RLF: variants seen among roughly 807,000 people sequenced by gnomAD.
RLF encodes the protein zinc finger protein Rlf.
RLF carries 7 observed loss-of-function variants against 162.9 expected under a neutral mutation model. That is an observed-to-expected ratio of 0.04 (90% CI 0.02 to 0.08). The LOEUF is 0.08. Ranked by LOEUF, RLF falls within the 10% of genes least tolerant of loss-of-function variation. The pLI is 1.00. For missense variants in RLF, 1,664 were observed against 2,244.7 expected (o/e 0.74, Z 5.23); for synonymous variants, 782 against 791.5 (o/e 0.99, Z 0.20).
At chr1:40,235,454 T>G (rs550519011) in intron 7 of RLF, among the ~76,000 whole-genome samples, 42 of 152,356 alleles carry the variant, frequency 2.8e-4, no homozygotes, top group African/African-American at 1.0e-3. Context: ...AACATCATTC[T>G]ATTTTGAATC....
intron 1 of RLF, among the ~76,000 whole-genome samples, chr1:40,162,955 A>G (rs536049927): frequency 6.7e-4 from 102 of 152,288 alleles, no homozygotes; most frequent in African/African-American, 2.4e-3. Flanking sequence ...AAACATGAGT[A>G]AGACAGCACT....
chr1:40,167,528 C>G (rs1271303019), intron 1 of RLF, among the ~76,000 whole-genome samples: 1 of 152,070 alleles, frequency 6.6e-6, no homozygotes, highest in African/African-American at 2.4e-5. Context: ...TCTGTTTCTT[C>G]CATGGATCAT....
chr1:40,166,609 G>A (rs372771529), intron 1 of RLF, among the ~76,000 whole-genome samples: 6 of 152,106 alleles, frequency 3.9e-5, no homozygotes, highest in African/African-American at 1.4e-4. Context: ...CAACCCAGAT[G>A]TCCATCAATG....
chr1:40,207,890 C>T (rs1340585256), intron 5 of RLF, among the ~76,000 whole-genome samples: 1 of 152,210 alleles, frequency 6.6e-6, no homozygotes, highest in East Asian at 1.9e-4. Context: ...GGATTATAGG[C>T]GTAAGCCACC....
At chr1:40,202,737 A>G (rs1298889575) in intron 5 of RLF, 123 bp downstream of exon 5, 7 of 579,428 alleles carry the variant, frequency 1.2e-5, no homozygotes, top group African/African-American at 2.0e-5. Context: ...GGCTACCAAA[A>G]TGTATGATTT....
chr1:40,239,237 A>G lies in RLF; in HGVS notation c.4535A>G (p.Asn1512Ser), dbSNP rs1317329817. ...CATCAGACCACCAGGAGATCATTTA[A>G]TGCTAAGTCTAAAAAATGTGGCTTA... ...HEHQTTRRSFNAKSKKCGLIK... is the reference protein window; with the variant it reads ...HEHQTTRRSFSAKSKKCGLIK... The change falls in exon 8 of 8, where the codon AAT becomes AGT. Residue 1512 changes from asparagine to serine, a missense_variant. Physicochemically the swap from Asn to Ser is conservative, Grantham distance 46. Transcript: ENST00000372771. The G allele has an allele frequency of 6.2e-7, 1 of 1,614,180 alleles. No homozygotes were observed. The highest frequency in any genetic ancestry group is 8.5e-7 in the Non-Finnish European group (1 of 1,180,032).
chr1:40,214,475 G>A (rs558959633), intron 5 of RLF, among the ~76,000 whole-genome samples: 38 of 152,250 alleles, frequency 2.5e-4, no homozygotes, highest in African/African-American at 7.7e-4. Flanking sequence ...GTCACACTGC[G>A]CATGTTTGTG....
At chr1:40,175,279 T>G (rs1642306520) in intron 1 of RLF, among the ~76,000 whole-genome samples, 1 of 152,124 alleles carries the variant, frequency 6.6e-6, no homozygotes, top group Non-Finnish European at 1.5e-5. Flanking sequence ...ACATCACATT[T>G]GGATCAATCT....
Position 40,189,157 on chromosome 1 carries a change from TA to T in RLF, c.341del (p.Tyr114SerfsTer2). 1 of 1,614,012 alleles carries T rather than the reference TA, an allele frequency of 6.2e-7. No homozygotes were observed. On this transcript the variant is annotated frameshift_variant, in exon 2 of 8. Transcript: ENST00000372771. LOFTEE classifies it high-confidence loss of function. ...AIQSFASARP[Y>X]LTTECEDVLL... ...CCAAAGCTTTGCCAGTGCACGTCCATACTTAACTACTGAATGTGAAGATGTC... is the reference window on the plus strand; with the variant it reads ...CCAAAGCTTTGCCAGTGCACGTCCATCTTAACTACTGAATGTGAAGATGTC...
chr1:40,192,168 A>G (rs542499405), intron 3 of RLF, among the ~76,000 whole-genome samples: 471 of 152,296 alleles, frequency 3.1e-3, no homozygotes, highest in African/African-American at 0.011. Context: ...AATATCTCAC[A>G]TATCCGTACA....
Position 40,205,485 on chromosome 1 carries a change from CTTTTT to C in RLF, c.810+2889_810+2893del, listed in dbSNP as rs36038824. ...TTACTATCGAACATTTTCCTTCCTT[CTTTTT>C]TTTTTTTTTTTTTTTTTGGGACAGA... On this transcript the variant is annotated intron_variant, in intron 5 of 7. Coordinates refer to ENST00000372771, the MANE Select transcript of RLF (RefSeq NM_012421.4). 9.3e-5 allele frequency among the ~76,000 whole-genome samples: 10 copies of C among 107,052 alleles called. 1 individual carries two copies. Among genetic ancestry groups the C allele is most frequent in the East Asian group, 2.8e-4 (1 of 3,544 alleles). The allele number at this position is 107,052 out of a possible 152,430, so 70.2% of individuals were successfully genotyped here.
intron 1 of RLF, chr1:40,178,003 GAACAGATAAATCTT>G (rs953764814): frequency 9.8e-5 from 15 of 152,608 alleles, no homozygotes; most frequent in Non-Finnish European, 1.5e-5. Flanking sequence ...TGCAGTAAAT[GAACAGATAAATCTT>G]TGGCTCACAA....
chr1:40,182,561 A>G (rs923001950), intron 1 of RLF, among the ~76,000 whole-genome samples: 2 of 152,340 alleles, frequency 1.3e-5, no homozygotes, highest in Admixed American at 6.5e-5. Flanking sequence ...GTATGTAACA[A>G]TGTTATGTTA....
intron 1 of RLF, among the ~76,000 whole-genome samples, chr1:40,168,048 A>G (rs1225207091): frequency 6.6e-6 from 1 of 151,712 alleles, no homozygotes; most frequent in Non-Finnish European, 1.5e-5. Context: ...CTACAAAAAA[A>G]AAAAAATTAA....
Position 40,235,782 on chromosome 1 carries a change from T to C in RLF, c.1090-10T>C. On this transcript the variant is annotated splice_polypyrimidine_tract_variant and intron_variant, in intron 7 of 7. Coordinates refer to ENST00000372771, the MANE Select transcript of RLF (RefSeq NM_012421.4). ...AAAAAAATAATTTTTTTATCCTCTT[T>C]TACTTACAGGCACAAGATGCTGGTC... 6.6e-7 allele frequency: 1 copy of C among 1,519,012 alleles called. No homozygotes were observed. Among genetic ancestry groups the C allele is most frequent in the Non-Finnish European group, 8.8e-7 (1 of 1,136,620 alleles). The allele number at this position is 1,519,012 out of a possible 1,614,324, so 94.1% of individuals were successfully genotyped here.
chr1:40,231,863 A>G (rs1473022063), intron 7 of RLF, among the ~76,000 whole-genome samples: 11 of 152,178 alleles, frequency 7.2e-5, no homozygotes, highest in African/African-American at 2.7e-4. Context: ...AAGTTAGGTG[A>G]TATTTATTTC....
In RLF at chr1:40,238,670, A is replaced by G. The variant is rs762703786; in HGVS notation, c.3968A>G (p.Asn1323Ser). 11 of 1,613,460 alleles carry G rather than the reference A, an allele frequency of 6.8e-6. No homozygotes were observed. The South Asian group carries it at 9.9e-5, about 14-fold the overall frequency. Residue 1323 changes from asparagine (N) to serine (S), a missense_variant, in exon 8 of 8, where the codon AAT becomes AGT. Asn to Ser is a conservative substitution (Grantham distance 46, BLOSUM62 1). Coordinates refer to ENST00000372771, the MANE Select transcript of RLF (RefSeq NM_012421.4). This position sits in a 1 kb window ranked among gnomAD's most constrained non-coding sequence, Gnocchi z 5.2. ...IHKTCNSSFT[N>S]LKGLIRHYRT... Reference sequence around the variant, plus strand: ...AAAACTTGCAACTCCTCATTCACCAATCTAAAAGGCTTAATTCGCCATTAC... The same window carrying G: ...AAAACTTGCAACTCCTCATTCACCAGTCTAAAAGGCTTAATTCGCCATTAC...
At chr1:40,194,954 C>T (rs935822519) in intron 3 of RLF, among the ~76,000 whole-genome samples, 1 of 151,666 alleles carries the variant, frequency 6.6e-6, no homozygotes, top group Admixed American at 6.6e-5. Context: ...CTGCCTCAGC[C>T]TCCCGAGTAG....
At chr1:40,229,453 T>C (rs1327219129) in intron 6 of RLF, among the ~76,000 whole-genome samples, 2 of 137,370 alleles carry the variant, frequency 1.5e-5, no homozygotes, top group Non-Finnish European at 3.1e-5. Flanking sequence ...TTTATCTTTT[T>C]TTTTTTTTTT....
Sources: allele counts gnomAD v4.1 joint callset (sites outside exome capture counted in the v4.1 genomes callset), GRCh38; gene constraint gnomAD v4.1.1; non-coding constraint Gnocchi (gnomAD v3.1); transcripts MANE v1.5; gene names NCBI Gene and HGNC (gene_info 2026-07-23, HGNC 2026-07-21).